Variants in OGG1 observed in about 807,000 individuals in gnomAD.
OGG1 encodes N-glycosylase/DNA lyase.
A neutral mutation model predicts 42.3 loss-of-function variants in OGG1; 35 were observed. The ratio of observed to expected loss-of-function variants is 0.83; its 90% CI spans 0.63 to 1.10. The LOEUF is 1.10. OGG1 is among the 50% of genes least tolerant of loss of function. The probability of loss-of-function intolerance (pLI) is 0.00; values close to 1 mark genes in which losing one functional copy is unlikely to be tolerated. For missense variants in OGG1, 484 were observed against 446.7 expected, an observed-to-expected ratio of 1.08 and a Z score of -0.75; for synonymous variants, 189 against 179.0, an observed-to-expected ratio of 1.06 and a Z score of -0.44.
At chr3:9,767,034 TCTCTC>T (rs1224111286), downstream of OGG1, among the ~76,000 whole-genome samples, 1 of 152,108 alleles carries the variant, frequency 6.6e-6, no homozygotes, top group Non-Finnish European at 1.5e-5. Flanking sequence ...ACACTCTACC[TCTCTC>T]CACATAGAAC....
downstream of OGG1, among the ~76,000 whole-genome samples, chr3:9,766,888 T>TA (rs2078169976): frequency 6.6e-6 from 1 of 152,140 alleles, no homozygotes; most frequent in African/African-American, 2.4e-5. Context: ...CAAAAAGTCT[T>TA]AAGTGTCTCC....
exon 8 of OGG1, chr3:9,765,917 G>A: frequency 6.2e-7 from 1 of 1,613,894 alleles, no homozygotes; most frequent in East Asian, 2.2e-5. Context: ...TTCACAAGGT[G>A]AAGAACTGGA....
At chr3:9,761,499 A>G, downstream of OGG1, 1 of 1,613,480 alleles carries the variant, frequency 6.2e-7, no homozygotes, top group South Asian at 1.1e-5. Context: ...AGCAATCCAC[A>G]GCCTTGCTGT....
At chr3:9,789,340 C>G (rs544780265), downstream of OGG1, among the ~76,000 whole-genome samples, 1 of 152,014 alleles carries the variant, frequency 6.6e-6, no homozygotes, top group African/African-American at 2.4e-5. Context: ...AGGCAGTGCA[C>G]GGAGAAAGCT....
At chr3:9,783,965 TG>T in intron 3 of OGG1, 1 of 1,531,438 alleles carries the variant, frequency 6.5e-7, no homozygotes, top group Non-Finnish European at 8.8e-7. Context: ...CCCTGAAAGG[TG>T]ACTAGCCGTG....
In OGG1 at chr3:9,751,113, A is replaced by G. The variant is rs759529030; in HGVS notation, c.306A>G (p.Leu102=). The G allele has an allele frequency of 1.1e-5, 17 of 1,614,022 alleles. 1 individual carries two copies. In the South Asian group the frequency reaches 1.3e-4, roughly 13 times the overall value. ...ELEAVRKYFQ[L]DVTLAQLYHH... is the part of the protein sequence containing the mutation. ...AGGCCGTGCGCAAGTACTTCCAGCTAGATGTTACCCTGGCTCAACTGTATC... is the reference window on the plus strand; with the variant it reads ...AGGCCGTGCGCAAGTACTTCCAGCTGGATGTTACCCTGGCTCAACTGTATC... The change falls in exon 2 of 7, where the codon CTA becomes CTG. Residue 102 remains leucine, a synonymous_variant. Coordinates refer to ENST00000344629, the MANE Select transcript of OGG1 (RefSeq NM_002542.6).
At chr3:9,773,754 G>A (rs190531358) in intron 2 of OGG1, among the ~76,000 whole-genome samples, 70 of 151,994 alleles carry the variant, frequency 4.6e-4, no homozygotes, top group African/African-American at 1.6e-3. Flanking sequence ...GTGCAGCGGC[G>A]CCATCATGGC....
chr3:9,787,731 A>G lies in OGG1; in HGVS notation c.387A>G (p.Ter129=), dbSNP rs1033770222. The stretch of plus-strand genomic sequence containing the variant: ...GTCTGTATGAACTCTTTTTCAGATA[A>G]ATTTTTAAGAAATCAGATAAGTGAA... Residue 129 remains the stop codon, a stop_retained_variant, in exon 4 of 4, where the codon TAA becomes TAG. Coordinates refer to the OGG1 transcript ENST00000426518. 7.0e-6 allele frequency: 9 copies of G among 1,294,260 alleles called. No individual in the cohort carries two copies. The East Asian group carries it at 4.9e-4, about 70-fold the overall frequency. 80.2% of individuals were successfully genotyped at this position (1,294,260 alleles called of 1,614,324 possible).
chr3:9,759,841 G>C (rs779505775), downstream of OGG1: 28 of 1,606,848 alleles, frequency 1.7e-5, no homozygotes, highest in East Asian at 5.8e-4. Flanking sequence ...GGTCTGGCCT[G>C]GCATCAAGAC....
At chr3:9,775,407 TG>T (rs1207584938) in intron 2 of OGG1, among the ~76,000 whole-genome samples, 1 of 152,200 alleles carries the variant, frequency 6.6e-6, no homozygotes, top group African/African-American at 2.4e-5. Flanking sequence ...AAACAGATTT[TG>T]GAGGACATCT....
At chr3:9,772,574 C>A (rs541719771) in intron 2 of OGG1, among the ~76,000 whole-genome samples, 1 of 152,126 alleles carries the variant, frequency 6.6e-6, no homozygotes, top group Non-Finnish European at 1.5e-5. Flanking sequence ...GTGAGGCAGC[C>A]CCAGCTTTCC....
At chr3:9,759,463 A>T (rs534136001), downstream of OGG1, 1 of 1,614,080 alleles carries the variant, frequency 6.2e-7, no homozygotes, top group African/African-American at 1.3e-5. Flanking sequence ...GGAGGCTGGG[A>T]CCAGAACTAG....
downstream of OGG1, chr3:9,761,950 G>GT (rs1264123586): frequency 5.6e-6 from 4 of 718,248 alleles, no homozygotes; most frequent in Admixed American, 9.0e-5. Flanking sequence ...TCAAGAGGGT[G>GT]TGGGGGGGAA....
chr3:9,774,260 T>A (rs2078336735), intron 2 of OGG1, among the ~76,000 whole-genome samples: 1 of 151,922 alleles, frequency 6.6e-6, no homozygotes, highest in Admixed American at 6.6e-5. Context: ...AATACAAAAA[T>A]TAGCCAGGTG....
intron 3 of OGG1, among the ~76,000 whole-genome samples, chr3:9,786,191 A>G (rs1469909742): frequency 6.6e-6 from 1 of 152,076 alleles, no homozygotes; most frequent in African/African-American, 2.4e-5. Flanking sequence ...CGCCCGCCTC[A>G]GCCTCCCAAA....
intron 6 of OGG1, 76 bp downstream of exon 6, chr3:9,756,892 C>A: frequency 1.2e-6 from 2 of 1,612,356 alleles, no homozygotes; most frequent in South Asian, 2.2e-5. Context: ...ACCACCGCCC[C>A]AGGTGGCCCT....
At chr3:9,789,645 C>A, downstream of OGG1, 1 of 1,612,046 alleles carries the variant, frequency 6.2e-7, no homozygotes, top group Non-Finnish European at 8.5e-7. Context: ...TGAGTGGGCG[C>A]CCCTGCCCCA....
Position 9,757,379 on chromosome 3 carries a change from CA to C in OGG1, c.*231del. On this transcript the variant is annotated 3_prime_UTR_variant, in exon 7 of 7. Coordinates refer to ENST00000344629, the MANE Select transcript of OGG1 (RefSeq NM_002542.6). The surrounding 1 kb of genome is among the most constrained non-coding windows in gnomAD (Gnocchi z 4.5). ...ATCTTCCCTTTATTACAAGAAGGAACAATAAAATAGAAACATTTGTATGGAA... is the reference window on the plus strand; with the variant it reads ...ATCTTCCCTTTATTACAAGAAGGAACATAAAATAGAAACATTTGTATGGAA... 6.2e-7 allele frequency: 1 copy of C among 1,613,158 alleles called. No homozygotes were observed. Among genetic ancestry groups the C allele is most frequent in the Non-Finnish European group, 8.5e-7 (1 of 1,179,512 alleles).
downstream of OGG1, chr3:9,761,785 GCAAT>G (rs1367095420): frequency 6.2e-7 from 1 of 1,613,040 alleles, no homozygotes; most frequent in East Asian, 2.2e-5. Context: ...AAGAGAAGGG[GCAAT>G]CAGAGATGGT....
Sources: allele counts gnomAD v4.1 joint callset (sites outside exome capture counted in the v4.1 genomes callset), GRCh38; gene constraint gnomAD v4.1.1; non-coding constraint Gnocchi (gnomAD v3.1); transcripts MANE v1.5; gene names NCBI Gene and HGNC (gene_info 2026-07-23, HGNC 2026-07-21).